MARCHF1: variants seen among roughly 807,000 people sequenced by gnomAD.
MARCHF1 encodes the protein membrane associated ring-CH-type finger 1.
A neutral mutation model predicts 54.2 loss-of-function variants in MARCHF1; 40 were observed. The ratio of observed to expected loss-of-function variants is 0.74; its 90% CI spans 0.57 to 0.96. The LOEUF is 0.96. Ranked by LOEUF, MARCHF1 falls within the 40% of genes least tolerant of loss-of-function variation. MARCHF1 has a pLI of 0.00. For synonymous variants in MARCHF1, 236 were observed against 236.3 expected, an observed-to-expected ratio of 1.00 and a Z score of 0.01; for missense variants, 586 against 656.5, an observed-to-expected ratio of 0.89 and a Z score of 1.17.
At chr4:164,144,278 C>T (rs1044309883) in intron 1 of MARCHF1, among the ~76,000 whole-genome samples, 2 of 151,688 alleles carry the variant, frequency 1.3e-5, no homozygotes, top group Admixed American at 6.6e-5. Context: ...AGAAAGTCAA[C>T]AAGGATACCC....
At chr4:164,110,390 G>T (rs1344362678) in intron 2 of MARCHF1, among the ~76,000 whole-genome samples, 1 of 151,568 alleles carries the variant, frequency 6.6e-6, no homozygotes, top group Non-Finnish European at 1.5e-5. Context: ...TCTTTCTAAA[G>T]TTTCCCCTTT....
At chr4:164,251,444 G>A (rs942481976) in intron 1 of MARCHF1, among the ~76,000 whole-genome samples, 22 of 152,202 alleles carry the variant, frequency 1.4e-4, no homozygotes, top group African/African-American at 5.3e-4. Context: ...TTCTTCTTTG[G>A]CGCTTCTAGT....
chr4:163,818,153 G>A (rs1748594374), intron 4 of MARCHF1, among the ~76,000 whole-genome samples: 1 of 151,906 alleles, frequency 6.6e-6, no homozygotes, highest in Admixed American at 6.6e-5. Flanking sequence ...ATAATGAAAT[G>A]ATTACTTAGA....
intron 5 of MARCHF1, among the ~76,000 whole-genome samples, chr4:163,629,415 A>G (rs559452740): frequency 6.6e-6 from 1 of 152,358 alleles, no homozygotes; most frequent in Non-Finnish European, 1.5e-5. Context: ...CTCAAGATGG[A>G]TTAAAGACTT....
intron 3 of MARCHF1, among the ~76,000 whole-genome samples, chr4:163,907,532 A>C (rs1751095964): frequency 6.6e-6 from 1 of 152,116 alleles, no homozygotes; most frequent in African/African-American, 2.4e-5. Context: ...AAAACATTTC[A>C]TTCTAAACCA....
chr4:163,772,004 T>C (rs992994984), intron 4 of MARCHF1, among the ~76,000 whole-genome samples: 1 of 152,152 alleles, frequency 6.6e-6, no homozygotes, highest in African/African-American at 2.4e-5. Flanking sequence ...GAATTATCAA[T>C]ATATTTACAA....
intron 2 of MARCHF1, among the ~76,000 whole-genome samples, chr4:164,059,842 C>T (rs4691951): frequency 0.66 from 100,742 of 151,916 alleles, 35,011 homozygotes; most frequent in Non-Finnish European, 0.78. Flanking sequence ...GATTAGATTT[C>T]ATCTTAATAT....
At chr4:164,380,047 T>G (rs1731323345) in intron 1 of MARCHF1, among the ~76,000 whole-genome samples, 1 of 151,990 alleles carries the variant, frequency 6.6e-6, no homozygotes. Flanking sequence ...TAAAAATATT[T>G]TCAGACATAC....
chr4:163,925,592 G>A (rs1461498918), intron 3 of MARCHF1, among the ~76,000 whole-genome samples: 6 of 151,808 alleles, frequency 4.0e-5, no homozygotes, highest in African/African-American at 4.8e-5. Context: ...AAATCCTCAC[G>A]TGTTACCAGT....
intron 4 of MARCHF1, among the ~76,000 whole-genome samples, chr4:163,803,953 T>G (rs1748154965): frequency 6.6e-6 from 1 of 152,200 alleles, no homozygotes; most frequent in Non-Finnish European, 1.5e-5. Flanking sequence ...TCTTAAGACA[T>G]GTGACATGGC....
At chr4:163,782,430 G>A (rs1475774605) in intron 4 of MARCHF1, among the ~76,000 whole-genome samples, 1 of 152,106 alleles carries the variant, frequency 6.6e-6, no homozygotes, top group African/African-American at 2.4e-5. Context: ...CAGCACTTTG[G>A]GAGGCCGAGG....
chr4:164,375,872 C>T (rs1731176955), intron 1 of MARCHF1, among the ~76,000 whole-genome samples: 1 of 152,194 alleles, frequency 6.6e-6, no homozygotes, highest in Admixed American at 6.5e-5. Flanking sequence ...CTTTTTTCTC[C>T]ACCTCATTAA....
intron 5 of MARCHF1, among the ~76,000 whole-genome samples, chr4:163,629,176 C>A (rs1243886420): frequency 2.0e-5 from 3 of 152,114 alleles, no homozygotes; most frequent in Non-Finnish European, 2.9e-5. Flanking sequence ...GCTACAGTAA[C>A]CAAAACAGCA....
intron 8 of MARCHF1, among the ~76,000 whole-genome samples, chr4:163,552,073 AC>A (rs753732856): frequency 7.2e-5 from 11 of 152,194 alleles, no homozygotes; most frequent in Non-Finnish European, 1.5e-4. Context: ...CCTTAAAAAA[AC>A]ATTTTCTCCC....
intron 1 of MARCHF1, among the ~76,000 whole-genome samples, chr4:164,224,560 T>C (rs1050272133): frequency 1.3e-5 from 2 of 152,018 alleles, no homozygotes; most frequent in African/African-American, 2.4e-5. Context: ...GTCCTAATAA[T>C]CTATTCTAAA....
chr4:163,608,383 G>T (rs1405815545), intron 7 of MARCHF1, among the ~76,000 whole-genome samples: 1 of 152,030 alleles, frequency 6.6e-6, no homozygotes, highest in Non-Finnish European at 1.5e-5. Context: ...AGCATGAAAA[G>T]GTCATAGTTA....
chr4:164,135,658 T>C (rs577131580), intron 1 of MARCHF1, among the ~76,000 whole-genome samples: 2 of 152,234 alleles, frequency 1.3e-5, no homozygotes, highest in East Asian at 3.9e-4. Context: ...CCCCAACCTG[T>C]AGGGATTACA....
intron 1 of MARCHF1, among the ~76,000 whole-genome samples, chr4:164,199,364 A>G (rs1037262461): frequency 6.6e-6 from 1 of 152,164 alleles, no homozygotes; most frequent in South Asian, 2.1e-4. Context: ...CTTCTACACC[A>G]GGCAGGGTGG....
At chr4:164,245,479 C>G (rs1266050846) in intron 1 of MARCHF1, among the ~76,000 whole-genome samples, 2 of 151,956 alleles carry the variant, frequency 1.3e-5, no homozygotes, top group Admixed American at 1.3e-4. Context: ...TATGACAAAC[C>G]CACAGCCAAT....
Sources: gnomAD v4.1 joint callset for allele counts (sites outside exome capture counted in the v4.1 genomes callset) on GRCh38, gnomAD v4.1.1 for gene constraint, MANE v1.5 for transcripts, NCBI Gene and HGNC (gene_info 2026-07-23, HGNC 2026-07-21) for gene names.